EML1: variants seen among roughly 807,000 people sequenced by gnomAD.
EML1 encodes echinoderm microtubule-associated protein-like 1.
Under a neutral mutation model 110.4 loss-of-function variants are expected in EML1, and 27 were observed. The ratio of observed to expected loss-of-function variants is 0.24; its 90% CI spans 0.18 to 0.34. The LOEUF is 0.34. EML1 is among the 10% of genes least tolerant of loss of function. EML1 has a pLI of 1.00. For missense variants in EML1, 741 were observed against 1,030.9 expected (o/e 0.72, Z 3.85); for synonymous variants, 344 against 385.8 (o/e 0.89, Z 1.27).
chr14:99,804,577 T>G (rs1294741469), intron 1 of EML1, among the ~76,000 whole-genome samples: 1 of 152,152 alleles, frequency 6.6e-6, no homozygotes, highest in Non-Finnish European at 1.5e-5. Context: ...CATGGTATAC[T>G]AAGTACTCAG....
At chr14:99,786,112 A>G (rs1352630127) in intron 1 of EML1, among the ~76,000 whole-genome samples, 1 of 151,952 alleles carries the variant, frequency 6.6e-6, no homozygotes, top group Middle Eastern at 3.2e-3. Context: ...GCATCAATAG[A>G]ATCATAATAT....
chr14:99,813,839 G>C (rs920813251), intron 1 of EML1, among the ~76,000 whole-genome samples: 1 of 152,130 alleles, frequency 6.6e-6, no homozygotes, highest in African/African-American at 2.4e-5. Flanking sequence ...CTTGAGTTTA[G>C]ACAAGCTGAA....
chr14:99,832,534 G>A (rs188722595), intron 1 of EML1, among the ~76,000 whole-genome samples: 1 of 152,308 alleles, frequency 6.6e-6, no homozygotes, highest in East Asian at 1.9e-4. Context: ...ACTTGGTGTG[G>A]TCGGTCTTTT....
At chr14:99,752,766 C>T (rs1353826630) in intron 1 of EML1, among the ~76,000 whole-genome samples, 2 of 152,186 alleles carry the variant, frequency 1.3e-5, no homozygotes, top group African/African-American at 4.8e-5. Context: ...ATTTATGGCT[C>T]TGAGAAAACA....
At chr14:99,797,121 C>T (rs1287158339) in intron 1 of EML1, among the ~76,000 whole-genome samples, 2 of 152,160 alleles carry the variant, frequency 1.3e-5, no homozygotes, top group South Asian at 2.1e-4. Flanking sequence ...GTTCCCCCAT[C>T]GCCCTCACCC....
At chr14:99,770,615 C>T (rs2057415381), upstream of EML1, among the ~76,000 whole-genome samples, 1 of 151,928 alleles carries the variant, frequency 6.6e-6, no homozygotes, top group Non-Finnish European at 1.5e-5. Context: ...CTCCCTGGGC[C>T]TCATTTTCTC....
chr14:99,800,454 TG>T (rs1213437678), intron 1 of EML1, among the ~76,000 whole-genome samples: 3 of 152,094 alleles, frequency 2.0e-5, no homozygotes, highest in African/African-American at 7.2e-5. Context: ...CTCGAACCCT[TG>T]GACTCTAGCA....
intron 17 of EML1, among the ~76,000 whole-genome samples, chr14:99,934,019 C>T (rs1319053036): frequency 1.3e-5 from 2 of 152,174 alleles, no homozygotes; most frequent in African/African-American, 2.4e-5. Flanking sequence ...CACTTGAACT[C>T]AGGAGGTGGA....
chr14:99,782,595 A>G (rs926867197), intron 1 of EML1, among the ~76,000 whole-genome samples: 2 of 152,158 alleles, frequency 1.3e-5, no homozygotes, highest in African/African-American at 4.8e-5. Flanking sequence ...CAAGCCTGTG[A>G]GGGAGATAGG....
At position 99,905,318 on chromosome 14, in the gene EML1, G is replaced by A. The variant is rs532820895; in HGVS notation, c.1009-2320G>A. On this transcript the variant is annotated intron_variant, in intron 9 of 21. Transcript: ENST00000262233. This position sits in a 1 kb window ranked among gnomAD's most constrained non-coding sequence, Gnocchi z 4.1. Reference sequence around the variant, plus strand: ...GCAGGGCTCAGACATGCCCCTGGTCGGCCCCATCGTTGTTAATCCAGCCTC... The same window carrying A: ...GCAGGGCTCAGACATGCCCCTGGTCAGCCCCATCGTTGTTAATCCAGCCTC... Among the ~76,000 whole-genome samples, 28 of 152,264 alleles carry A rather than the reference G, an allele frequency of 1.8e-4. No homozygotes were observed. The highest frequency in any genetic ancestry group is 4.2e-4 in the South Asian group (2 of 4,814).
At chr14:99,747,187 C>CAAA (rs35376029) in intron 1 of EML1, among the ~76,000 whole-genome samples, 17,541 of 95,144 alleles carry the variant, frequency 0.18, 1,813 homozygotes, top group South Asian at 0.25. Flanking sequence ...GACCCCGTCT[C>CAAA]AAAAAAAAAA....
chr14:99,861,466 A>G (rs1017494586), intron 2 of EML1, among the ~76,000 whole-genome samples: 3 of 152,226 alleles, frequency 2.0e-5, no homozygotes, highest in African/African-American at 4.8e-5. Flanking sequence ...TAATTCTATG[A>G]TGAACAAAAT....
At position 99,782,986 on chromosome 14, in the gene EML1, TTA is replaced by T. The variant is rs71464630; in HGVS notation, c.-27+8987_-27+8988del. On this transcript the variant is annotated intron_variant, in intron 1 of 22. Transcript: ENST00000327921. The stretch of plus-strand genomic sequence containing the variant: ...ACACTATGGAAAGACTCTAAATCGT[TTA>T]TATATATATATATTTTTATTATACT... Among the ~76,000 whole-genome samples, 189 of 150,800 alleles carry T rather than the reference TTA, an allele frequency of 1.3e-3. 3 individuals are homozygous for T. The highest frequency in any genetic ancestry group is 6.9e-3 in the Middle Eastern group (2 of 288).
intron 17 of EML1, among the ~76,000 whole-genome samples, chr14:99,927,809 TG>T (rs1315421919): frequency 2.2e-3 from 3 of 1,388 alleles, no homozygotes; most frequent in Non-Finnish European, 1.5e-3. Flanking sequence ...GTGGGGGGGG[TG>T]GGGGGGTGGT....
intron 1 of EML1, among the ~76,000 whole-genome samples, chr14:99,778,505 C>G (rs1441830884): frequency 3.3e-5 from 5 of 152,146 alleles, no homozygotes; most frequent in Admixed American, 3.3e-4. Flanking sequence ...GACTGGTTGC[C>G]TGTTAGCATG....
chr14:99,802,454 G>A (rs1190113545), intron 1 of EML1, among the ~76,000 whole-genome samples: 1 of 152,118 alleles, frequency 6.6e-6, no homozygotes, highest in East Asian at 1.9e-4. Context: ...GGGGGGCCAT[G>A]GCAGTAACCC....
intron 4 of EML1, among the ~76,000 whole-genome samples, chr14:99,886,315 C>G (rs919636550): frequency 6.6e-6 from 1 of 152,108 alleles, no homozygotes; most frequent in Admixed American, 6.6e-5. Flanking sequence ...AACCCTGTCT[C>G]TACAAAAAAT....
chr14:99,806,959 A>G (rs1456081573), intron 1 of EML1, among the ~76,000 whole-genome samples: 1 of 152,222 alleles, frequency 6.6e-6, no homozygotes, highest in Non-Finnish European at 1.5e-5. Flanking sequence ...GAAACAGCAG[A>G]TGCAGGACCC....
At position 99,940,940 on chromosome 14, in the gene EML1, A is replaced by G. The variant is rs2060578608; in HGVS notation, c.*828A>G. 6.6e-6 allele frequency: 1 copy of G among 152,260 alleles called. No homozygotes were observed. Among genetic ancestry groups the G allele is most frequent in the African/African-American group, 2.4e-5 (1 of 41,470 alleles). The allele number at this position is 152,260 out of a possible 1,614,324, so 9.4% of individuals were successfully genotyped here. A position where few individuals can be genotyped will look rare whatever the true frequency, so the allele number is the denominator to read the frequency against. Reference sequence around the variant, plus strand: ...TACTTGTATAGGATTCTAGCAATTCATAATAAATATGTAAGACTAGGCTTT... The same window carrying G: ...TACTTGTATAGGATTCTAGCAATTCGTAATAAATATGTAAGACTAGGCTTT... On this transcript the variant is annotated 3_prime_UTR_variant, in exon 22 of 22. Coordinates refer to ENST00000262233, the MANE Select transcript of EML1 (RefSeq NM_004434.3).
Sources: allele counts gnomAD v4.1 joint callset (sites outside exome capture counted in the v4.1 genomes callset), GRCh38; gene constraint gnomAD v4.1.1; non-coding constraint Gnocchi (gnomAD v3.1); transcripts MANE v1.5; gene names NCBI Gene and HGNC (gene_info 2026-07-23, HGNC 2026-07-21).